The following ZNF804B variants were observed in gnomAD, a reference collection of about 807,000 sequenced individuals.
ZNF804B encodes the protein zinc finger protein 804B, also known as zinc finger 804B.
ZNF804B carries 80 observed loss-of-function variants against 101.4 expected under a neutral mutation model. That is an observed-to-expected ratio of 0.79 (90% confidence interval 0.66 to 0.95). The LOEUF (loss-of-function observed/expected upper bound fraction) is 0.95, where lower values mean the gene tolerates loss of function less well. Among genes scored for constraint, ZNF804B ranks in the 40% least tolerant of loss-of-function variants. The probability of loss-of-function intolerance (pLI) is 0.00; values close to 1 mark genes in which losing one functional copy is unlikely to be tolerated. For synonymous variants in ZNF804B, 622 were observed against 558.8 expected (o/e 1.11, Z -1.59); for missense variants, 1,673 against 1,561.9 (o/e 1.07, Z -1.20).
chr7:88,805,131 A>G (rs1430811643), intron 1 of ZNF804B, among the ~76,000 whole-genome samples: 1 of 152,190 alleles, frequency 6.6e-6, no homozygotes, highest in Non-Finnish European at 1.5e-5. Flanking sequence ...GTAAAGTTAT[A>G]TGATGAGTTA....
At position 89,218,250 on chromosome 7, in the gene ZNF804B, G is replaced by T. The variant is rs1436854914; in HGVS notation, c.204G>T (p.Gln68His). Reference protein sequence around the residue: ...ELCDKQYHKHQEFDNHINSYD... With the variant: ...ELCDKQYHKHHEFDNHINSYD... ...GTGACAAGCAGTATCACAAACACCAGGAGTTTGACAATCATATTAATTCTT... is the reference window on the plus strand; with the variant it reads ...GTGACAAGCAGTATCACAAACACCATGAGTTTGACAATCATATTAATTCTT... Residue 68 changes from glutamine (Q) to histidine (H), a missense_variant, in exon 2 of 4, where the codon CAG (glutamine) becomes CAT (histidine). Transcript: ENST00000333190. 4 of 1,613,644 alleles carry T rather than the reference G, an allele frequency of 2.5e-6. No homozygotes were observed. The Admixed American group carries it at 6.7e-5, about 27-fold the overall frequency.
intron 1 of ZNF804B, among the ~76,000 whole-genome samples, chr7:88,972,265 G>A (rs1033731538): frequency 1.3e-5 from 2 of 151,474 alleles, no homozygotes; most frequent in African/African-American, 2.4e-5. Flanking sequence ...AGCTTAAAAT[G>A]TCTACTCTTT....
At chr7:89,241,394 G>A (rs561636719) in intron 2 of ZNF804B, among the ~76,000 whole-genome samples, 1 of 152,092 alleles carries the variant, frequency 6.6e-6, no homozygotes, top group African/African-American at 2.4e-5. Context: ...CTCCCTGCCA[G>A]TGTTTCCTGG....
intron 1 of ZNF804B, among the ~76,000 whole-genome samples, chr7:89,022,985 G>T (rs1788691723): frequency 6.6e-6 from 1 of 152,116 alleles, no homozygotes; most frequent in Admixed American, 6.6e-5. Flanking sequence ...ACAGGATTTT[G>T]TCATTAAATA....
chr7:89,061,542 C>A (rs761082315), intron 1 of ZNF804B, among the ~76,000 whole-genome samples: 1 of 151,940 alleles, frequency 6.6e-6, no homozygotes, highest in Non-Finnish European at 1.5e-5. Flanking sequence ...TCTCCTGAGA[C>A]CCACACATAT....
rs1268863282 is a variant in ZNF804B, at chr7:89,219,990, C to T, written c.249+1695C>T. 3.2e-3 allele frequency among the ~76,000 whole-genome samples: 60 copies of T among 18,680 alleles called. 8 individuals carry two copies. Among genetic ancestry groups the T allele is most frequent in the African/African-American group, 0.014 (54 of 3,960 alleles). 12.3% of individuals were successfully genotyped at this position (18,680 alleles called of 152,430 possible). A position where few individuals can be genotyped will look rare whatever the true frequency, so the allele number is the denominator to read the frequency against. ...ATATATATGTATATACATATGTGTG[C>T]ATATATGTATATGCACATATATGTG... On this transcript the variant is annotated intron_variant, in intron 2 of 3. Coordinates refer to ENST00000333190, the MANE Select transcript of ZNF804B (RefSeq NM_181646.5).
In ZNF804B at chr7:88,778,005, C is replaced by T. The variant is rs537633151; in HGVS notation, c.108+17921C>T. ...CAACTCACACCTCATGTATTAGTTT[C>T]CCACTGCTACTGTAATGAACTACCA... On this transcript the variant is annotated intron_variant, in intron 1 of 3. Coordinates refer to ENST00000333190, the MANE Select transcript of ZNF804B (RefSeq NM_181646.5). Among the ~76,000 whole-genome samples the T allele has an allele frequency of 2.6e-5, 4 of 152,152 alleles. No individual in the cohort carries two copies. The East Asian group carries it at 5.8e-4, about 22-fold the overall frequency.
chr7:88,986,612 T>C (rs1375200783), intron 1 of ZNF804B, among the ~76,000 whole-genome samples: 1 of 152,132 alleles, frequency 6.6e-6, no homozygotes, highest in African/African-American at 2.4e-5. Flanking sequence ...TTGTTCTCTG[T>C]TCCTGACCTC....
At chr7:89,278,918 T>C (rs1790033354) in intron 2 of ZNF804B, among the ~76,000 whole-genome samples, 1 of 152,106 alleles carries the variant, frequency 6.6e-6, no homozygotes, top group African/African-American at 2.4e-5. Flanking sequence ...GGGGATGGCA[T>C]TGAATCTGTA....
intron 1 of ZNF804B, among the ~76,000 whole-genome samples, chr7:88,775,887 G>A (rs1185566368): frequency 1.3e-5 from 2 of 152,096 alleles, no homozygotes; most frequent in African/African-American, 4.8e-5. Context: ...GTTTATATAT[G>A]TAAGTTGCCT....
intron 1 of ZNF804B, among the ~76,000 whole-genome samples, chr7:88,783,584 A>G (rs114690835): frequency 1.7e-3 from 260 of 152,332 alleles, no homozygotes; most frequent in African/African-American, 5.7e-3. Flanking sequence ...AGTGATGGGT[A>G]AATAGGTTTG....
At chr7:89,198,707 A>ACTTT in intron 1 of ZNF804B, among the ~76,000 whole-genome samples, 1 of 151,946 alleles carries the variant, frequency 6.6e-6, no homozygotes, top group Non-Finnish European at 1.5e-5. Flanking sequence ...ATAAAGTAGT[A>ACTTT]AGAATACAAT....
chr7:89,025,769 T>G (rs1562863828), intron 1 of ZNF804B, among the ~76,000 whole-genome samples: 1 of 152,156 alleles, frequency 6.6e-6, no homozygotes, highest in Non-Finnish European at 1.5e-5. Context: ...ATCCTTTTGT[T>G]TCCACAGTGA....
chr7:89,309,795 A>G lies in ZNF804B; in HGVS notation c.250-17549A>G, dbSNP rs59746263. 2.7e-3 allele frequency among the ~76,000 whole-genome samples: 366 copies of G among 137,522 alleles called. 3 individuals carry two copies. Among genetic ancestry groups the G allele is most frequent in the African/African-American group, 9.5e-3 (350 of 36,946 alleles). The allele number at this position is 137,522 out of a possible 152,430, so 90.2% of individuals were successfully genotyped here. ...AAAAAAAAAAAAAAAAAAAAAAAAA[A>G]AAGAAGCAGTATGCTTGGTTGAACA... On this transcript the variant is annotated intron_variant, in intron 2 of 3. Transcript: ENST00000333190.
chr7:88,954,179 G>T (rs548612353), intron 1 of ZNF804B, among the ~76,000 whole-genome samples: 3 of 151,528 alleles, frequency 2.0e-5, no homozygotes, highest in East Asian at 3.9e-4. Flanking sequence ...TGAGTTTTCA[G>T]TTTTTTTTAA....
At chr7:89,210,919 C>G in intron 1 of ZNF804B, among the ~76,000 whole-genome samples, 1 of 152,344 alleles carries the variant, frequency 6.6e-6, no homozygotes, top group East Asian at 1.9e-4. Context: ...TGAATTACTA[C>G]ACTGTTTTCC....
chr7:89,008,341 C>CAA (rs200744059), intron 1 of ZNF804B, among the ~76,000 whole-genome samples: 18 of 151,682 alleles, frequency 1.2e-4, no homozygotes, highest in Non-Finnish European at 2.4e-4. Context: ...TGTGAGCACC[C>CAA]AAAAAAAACA....
At chr7:89,202,236 T>G (rs751884311) in intron 1 of ZNF804B, among the ~76,000 whole-genome samples, 1 of 152,248 alleles carries the variant, frequency 6.6e-6, no homozygotes, top group African/African-American at 2.4e-5. Flanking sequence ...ATCTTTTGAT[T>G]TGATGTTTTC....
chr7:88,798,658 T>C (rs1408247831), intron 1 of ZNF804B, among the ~76,000 whole-genome samples: 1 of 152,126 alleles, frequency 6.6e-6, no homozygotes, highest in African/African-American at 2.4e-5. Flanking sequence ...TGTTTTCTTA[T>C]CATTCATCAA....
Sources: gnomAD v4.1 joint callset for allele counts (sites outside exome capture counted in the v4.1 genomes callset) on GRCh38, gnomAD v4.1.1 for gene constraint, MANE v1.5 for transcripts, NCBI Gene and HGNC (gene_info 2026-07-23, HGNC 2026-07-21) for gene names.